The following CSMD1 variants were observed in gnomAD, a reference collection of about 807,000 sequenced individuals.
CSMD1 encodes the protein CUB and sushi domain-containing protein 1.
CSMD1 carries 213 observed loss-of-function variants against 417.5 expected under a neutral mutation model. The ratio of observed to expected loss-of-function variants is 0.51; its 90% CI spans 0.46 to 0.57. The LOEUF (loss-of-function observed/expected upper bound fraction) is 0.57, where lower values mean the gene tolerates loss of function less well. Ranked by LOEUF, CSMD1 falls within the 20% of genes least tolerant of loss-of-function variation. CSMD1 has a pLI of 0.00. For missense variants in CSMD1, 6,923 were observed against 4,529.7 expected, an observed-to-expected ratio of 1.53 and a Z score of -15.17; for synonymous variants, 2,862 against 1,736.8, an observed-to-expected ratio of 1.65 and a Z score of -16.11.
chr8:3,483,384 T>G (rs1388699033), intron 11 of CSMD1, among the ~76,000 whole-genome samples: 2 of 152,176 alleles, frequency 1.3e-5, no homozygotes, highest in African/African-American at 4.8e-5. Flanking sequence ...AACATATTAT[T>G]AGATATAAAC....
chr8:4,347,248 A>C (rs968042304), intron 3 of CSMD1, among the ~76,000 whole-genome samples: 18 of 152,262 alleles, frequency 1.2e-4, no homozygotes, highest in African/African-American at 4.3e-4. Context: ...AATGAAACAG[A>C]CATCCACGAT....
chr8:3,153,641 T>C (rs1819335391), intron 39 of CSMD1, among the ~76,000 whole-genome samples: 1 of 152,228 alleles, frequency 6.6e-6, no homozygotes, highest in African/African-American at 2.4e-5. Context: ...AGGGAAATTA[T>C]AAAATACAAA....
At chr8:3,423,925 C>A (rs919515586) in intron 12 of CSMD1, among the ~76,000 whole-genome samples, 7 of 152,108 alleles carry the variant, frequency 4.6e-5, no homozygotes, top group African/African-American at 1.7e-4. Flanking sequence ...TAAACACACA[C>A]CTCAATTATT....
Position 3,929,079 on chromosome 8 carries a change from A to G in CSMD1, c.818+68824T>C, listed in dbSNP as rs144234448. On this transcript the variant is annotated intron_variant, in intron 5 of 69. Coordinates refer to ENST00000635120, the MANE Select transcript of CSMD1 (RefSeq NM_033225.6). ...TAATTGCAGAAAATTAAAAGCACAG[A>G]GAATAAAGAAAGACTTGGAGTGAGG... Among the ~76,000 whole-genome samples the G allele has an allele frequency of 2.0e-5, 3 of 150,468 alleles. 1 individual carries two copies. Among genetic ancestry groups the G allele is most frequent in the African/African-American group, 7.4e-5 (3 of 40,722 alleles).
chr8:4,885,919 T>A (rs937985527), intron 1 of CSMD1, among the ~76,000 whole-genome samples: 6 of 152,132 alleles, frequency 3.9e-5, no homozygotes, highest in African/African-American at 1.4e-4. Context: ...TATGCCTGTG[T>A]TTTCTTTGTA....
intron 3 of CSMD1, among the ~76,000 whole-genome samples, chr8:4,356,434 G>A (rs1045284572): frequency 1.3e-5 from 2 of 152,106 alleles, no homozygotes; most frequent in South Asian, 2.1e-4. Flanking sequence ...CTATAAACAT[G>A]CATGTACAAG....
intron 3 of CSMD1, among the ~76,000 whole-genome samples, chr8:4,279,782 G>A (rs1213136064): frequency 1.3e-5 from 2 of 152,202 alleles, no homozygotes; most frequent in Admixed American, 6.5e-5. Flanking sequence ...AGATATGGAG[G>A]AGGCCAGGAG....
At position 3,224,058 on chromosome 8, in the gene CSMD1, T is replaced by G. The variant is rs143874658; in HGVS notation, c.4346-191A>C. 9.8e-4 allele frequency among the ~76,000 whole-genome samples: 149 copies of G among 152,332 alleles called. 1 individual carries two copies. Among genetic ancestry groups the G allele is most frequent in the Middle Eastern group, 3.4e-3 (1 of 294 alleles). ...ACCCAGGAACTCTGTACATTTTTCA[T>G]GTAACTGTTAATGAATTTTACATAA... On this transcript the variant is annotated intron_variant, in intron 27 of 69. Transcript: ENST00000635120.
chr8:4,347,832 C>T (rs536082798), intron 3 of CSMD1, among the ~76,000 whole-genome samples: 7 of 112,510 alleles, frequency 6.2e-5, no homozygotes, highest in South Asian at 5.4e-4. Flanking sequence ...TATCTTCTCT[C>T]GTTCAAAGAA....
intron 1 of CSMD1, among the ~76,000 whole-genome samples, chr8:4,718,493 C>A (rs1458874198): frequency 6.6e-6 from 1 of 151,856 alleles, no homozygotes; most frequent in African/African-American, 2.4e-5. Flanking sequence ...AAAAGAATAA[C>A]TAATATTCCC....
At chr8:4,134,908 C>T (rs1360289376) in intron 3 of CSMD1, among the ~76,000 whole-genome samples, 1 of 152,146 alleles carries the variant, frequency 6.6e-6, no homozygotes, top group African/African-American at 2.4e-5. Context: ...TTTCAATTAT[C>T]TAGTTTTTGC....
At chr8:3,916,309 C>G (rs572820100) in intron 5 of CSMD1, among the ~76,000 whole-genome samples, 111 of 152,080 alleles carry the variant, frequency 7.3e-4, no homozygotes, top group Non-Finnish European at 1.4e-3. Context: ...ACCTGGTTCT[C>G]AGCACTACGC....
At chr8:3,299,630 C>T (rs1044018471) in intron 25 of CSMD1, among the ~76,000 whole-genome samples, 7 of 152,010 alleles carry the variant, frequency 4.6e-5, no homozygotes, top group Non-Finnish European at 1.5e-5. Flanking sequence ...TGGGAAGGCT[C>T]TTGTCCAGCC....
At chr8:3,320,825 G>A (rs1563269567) in intron 23 of CSMD1, among the ~76,000 whole-genome samples, 1 of 152,192 alleles carries the variant, frequency 6.6e-6, no homozygotes, top group Non-Finnish European at 1.5e-5. Context: ...CAGAGCGAGG[G>A]CGCAGGGTCA....
At chr8:4,459,916 C>G (rs1032537933) in intron 2 of CSMD1, among the ~76,000 whole-genome samples, 17 of 152,088 alleles carry the variant, frequency 1.1e-4, no homozygotes, top group African/African-American at 3.6e-4. Context: ...AATAAACAAT[C>G]AAACAATAAT....
intron 1 of CSMD1, among the ~76,000 whole-genome samples, chr8:4,766,143 T>C (rs1812448823): frequency 6.6e-6 from 1 of 152,216 alleles, no homozygotes; most frequent in Non-Finnish European, 1.5e-5. Flanking sequence ...AAATGTACAA[T>C]GCTTTGTGTA....
At chr8:4,559,359 G>A (rs192085334) in intron 2 of CSMD1, among the ~76,000 whole-genome samples, 82 of 152,208 alleles carry the variant, frequency 5.4e-4, no homozygotes, top group Non-Finnish European at 2.1e-4. Flanking sequence ...CTCTGGTTAT[G>A]TTATAAAATA....
At chr8:4,688,833 T>C (rs547440236) in intron 1 of CSMD1, among the ~76,000 whole-genome samples, 1 of 152,316 alleles carries the variant, frequency 6.6e-6, no homozygotes, top group South Asian at 2.1e-4. Context: ...TGGTCTGATG[T>C]GATGCCTGTT....
intron 4 of CSMD1, among the ~76,000 whole-genome samples, chr8:4,014,204 C>G (rs924294897): frequency 2.0e-5 from 3 of 152,144 alleles, no homozygotes; most frequent in Non-Finnish European, 2.9e-5. Flanking sequence ...GCATAAACAA[C>G]ATTCCTAGAA....
Sources: gnomAD v4.1 joint callset for allele counts (sites outside exome capture counted in the v4.1 genomes callset) on GRCh38, gnomAD v4.1.1 for gene constraint, MANE v1.5 for transcripts, NCBI Gene and HGNC (gene_info 2026-07-23, HGNC 2026-07-21) for gene names.